Variants in AGMO observed in about 807,000 individuals in gnomAD.
The protein encoded by AGMO is glyceryl-ether monooxygenase.
A neutral mutation model predicts 60.2 loss-of-function variants in AGMO; 75 were observed. The observed-to-expected ratio is 1.25, with a 90% CI of 1.03 to 1.51. AGMO has a LOEUF of 1.51. AGMO is among the 40% of genes most tolerant of loss of function. The pLI is 0.00. For missense variants in AGMO, 763 were observed against 525.5 expected (o/e 1.45, Z -4.42); for synonymous variants, 261 against 177.1 (o/e 1.47, Z -3.76).
the AGMO span, among the ~76,000 whole-genome samples, chr7:15,181,927 G>T: frequency 1.3e-5 from 2 of 152,044 alleles, no homozygotes; most frequent in African/African-American, 4.8e-5. Context: ...ACTGATAGCA[G>T]CATTATTCAC....
chr7:15,145,681 T>G, the AGMO span, among the ~76,000 whole-genome samples: 3 of 151,970 alleles, frequency 2.0e-5, no homozygotes, highest in African/African-American at 7.3e-5. Flanking sequence ...ACGTATTTCC[T>G]TAAACTTCAC....
At chr7:15,320,963 G>C (rs895653871) in intron 12 of AGMO, among the ~76,000 whole-genome samples, 2 of 152,046 alleles carry the variant, frequency 1.3e-5, no homozygotes, top group Non-Finnish European at 2.9e-5. Flanking sequence ...AAATACTTTT[G>C]TAAGGAAACT....
intron 12 of AGMO, among the ~76,000 whole-genome samples, chr7:15,221,011 A>G (rs1252201635): frequency 2.0e-5 from 3 of 152,218 alleles, no homozygotes; most frequent in Non-Finnish European, 2.9e-5. Context: ...AGGAAAATAC[A>G]ATGAGGATGT....
At chr7:15,399,009 C>A (rs1784481548) in intron 5 of AGMO, among the ~76,000 whole-genome samples, 1 of 151,922 alleles carries the variant, frequency 6.6e-6, no homozygotes, top group Admixed American at 6.6e-5. Context: ...ATGATAATTC[C>A]TTTTGTATTT....
chr7:15,266,576 G>T (rs1783439074), intron 12 of AGMO, among the ~76,000 whole-genome samples: 1 of 151,662 alleles, frequency 6.6e-6, no homozygotes, highest in African/African-American at 2.4e-5. Context: ...CTCAGTGATT[G>T]TCAGTTTCAG....
At chr7:15,441,065 T>G (rs1004757309) in intron 3 of AGMO, among the ~76,000 whole-genome samples, 13 of 152,204 alleles carry the variant, frequency 8.5e-5, no homozygotes, top group Non-Finnish European at 2.9e-5. Context: ...ATGACATGCA[T>G]AAAGAGCTTT....
At chr7:15,424,681 A>T (rs1442149285) in intron 4 of AGMO, among the ~76,000 whole-genome samples, 3 of 152,184 alleles carry the variant, frequency 2.0e-5, no homozygotes, top group Non-Finnish European at 4.4e-5. Flanking sequence ...TTTAATGGAC[A>T]TAAACTTTGT....
intron 12 of AGMO, among the ~76,000 whole-genome samples, chr7:15,243,344 G>A (rs1013537884): frequency 1.3e-5 from 2 of 151,848 alleles, no homozygotes; most frequent in African/African-American, 4.8e-5. Context: ...AAGAGCATCC[G>A]GTTAAAATTC....
chr7:15,506,651 C>T (rs916390367), intron 3 of AGMO, among the ~76,000 whole-genome samples: 7 of 152,018 alleles, frequency 4.6e-5, no homozygotes, highest in East Asian at 1.9e-4. Context: ...TTCTATTGTA[C>T]CTGAAATAGT....
intron 12 of AGMO, among the ~76,000 whole-genome samples, chr7:15,222,648 T>C (rs1220573668): frequency 6.6e-6 from 1 of 152,080 alleles, no homozygotes; most frequent in Non-Finnish European, 1.5e-5. Context: ...CCCATTTCTT[T>C]ATAATGAACA....
chr7:15,204,542 T>A (rs1315527990), intron 12 of AGMO, among the ~76,000 whole-genome samples: 3 of 152,220 alleles, frequency 2.0e-5, no homozygotes, highest in Non-Finnish European at 4.4e-5. Flanking sequence ...TATTGTATCC[T>A]AGTTCTAGGC....
intron 3 of AGMO, 137 bp from the exon 4 acceptor site, chr7:15,431,245 AT>A: frequency 1.6e-6 from 1 of 617,324 alleles, no homozygotes; most frequent in Non-Finnish European, 2.8e-6. Context: ...TATAATTATA[AT>A]TAAAATATGC....
chr7:15,504,819 A>G (rs1450981080), intron 3 of AGMO, among the ~76,000 whole-genome samples: 1 of 151,544 alleles, frequency 6.6e-6, no homozygotes, highest in East Asian at 1.9e-4. Context: ...TCCTGTCATG[A>G]GTCCTAGAAG....
chr7:15,292,482 A>G (rs1700875180), intron 12 of AGMO, among the ~76,000 whole-genome samples: 1 of 152,194 alleles, frequency 6.6e-6, no homozygotes, highest in African/African-American at 2.4e-5. Context: ...GTTCAGCATT[A>G]ACAATGATGC....
At chr7:15,378,406 A>T (rs1783537175) in intron 10 of AGMO, among the ~76,000 whole-genome samples, 1 of 152,050 alleles carries the variant, frequency 6.6e-6, no homozygotes, top group African/African-American at 2.4e-5. Context: ...TTTGTCAGAA[A>T]CTTGGGATTG....
intron 3 of AGMO, among the ~76,000 whole-genome samples, chr7:15,473,286 C>T (rs1583588240): frequency 6.6e-6 from 1 of 151,776 alleles, no homozygotes; most frequent in African/African-American, 2.4e-5. Context: ...CGCCTAGGAT[C>T]AAACGGATTC....
intron 12 of AGMO, among the ~76,000 whole-genome samples, chr7:15,216,266 G>C (rs896549217): frequency 6.6e-6 from 1 of 152,084 alleles, no homozygotes; most frequent in African/African-American, 2.4e-5. Context: ...TAATGGCTTT[G>C]GCTTTGTGAT....
At chr7:15,292,167 G>A (rs560742044) in intron 12 of AGMO, among the ~76,000 whole-genome samples, 93 of 152,234 alleles carry the variant, frequency 6.1e-4, no homozygotes, top group South Asian at 2.5e-3. Flanking sequence ...GAGGTGATGA[G>A]GGTTTAACCT....
chr7:15,288,844 T>TA (rs1178809815), intron 12 of AGMO, among the ~76,000 whole-genome samples: 1 of 144,988 alleles, frequency 6.9e-6, no homozygotes, highest in Non-Finnish European at 1.5e-5. Flanking sequence ...TTTAAAAAAA[T>TA]AAAAAATAAA....
Sources: allele counts gnomAD v4.1 joint callset (sites outside exome capture counted in the v4.1 genomes callset), GRCh38; gene constraint gnomAD v4.1.1; transcripts MANE v1.5; gene names NCBI Gene and HGNC (gene_info 2026-07-23, HGNC 2026-07-21).